The following SCAPER variants were observed in gnomAD, a reference collection of about 807,000 sequenced individuals.
The protein encoded by SCAPER is S phase cyclin A-associated protein in the endoplasmic reticulum.
A neutral mutation model predicts 182.2 loss-of-function variants in SCAPER; 98 were observed. That is an observed-to-expected ratio of 0.54 (90% CI 0.46 to 0.64). SCAPER has a LOEUF of 0.64. Ranked by LOEUF, SCAPER falls within the 30% of genes least tolerant of loss-of-function variation. SCAPER has a pLI of 0.00. For missense variants in SCAPER, 1,432 were observed against 1,690.0 expected (o/e 0.85, Z 2.68); for synonymous variants, 605 against 564.6 (o/e 1.07, Z -1.01).
chr15:76,466,964 G>A (rs1170324049), intron 25 of SCAPER, among the ~76,000 whole-genome samples: 1 of 152,084 alleles, frequency 6.6e-6, no homozygotes, highest in Non-Finnish European at 1.5e-5. Flanking sequence ...GGCCTGGTGG[G>A]AGGTGACTGG....
chr15:76,903,176 T>C (rs371258775), intron 1 of SCAPER, among the ~76,000 whole-genome samples: 4 of 152,196 alleles, frequency 2.6e-5, no homozygotes, highest in Admixed American at 1.3e-4. Context: ...ATATCAATCT[T>C]TTAGGAGTTC....
intron 26 of SCAPER, among the ~76,000 whole-genome samples, chr15:76,421,304 A>G (rs1028101870): frequency 6.6e-6 from 1 of 152,254 alleles, no homozygotes; most frequent in East Asian, 1.9e-4. Context: ...CTTTTTAATG[A>G]TCGCCATTCT....
intron 26 of SCAPER, among the ~76,000 whole-genome samples, chr15:76,423,667 G>A (rs1439054965): frequency 6.6e-6 from 1 of 152,064 alleles, no homozygotes; most frequent in Non-Finnish European, 1.5e-5. Context: ...GCTAGCTTTT[G>A]AATGTGTTTG....
At chr15:76,665,592 T>C (rs1212224716) in intron 21 of SCAPER, 61 bp downstream of exon 21, 3 of 1,496,774 alleles carry the variant, frequency 2.0e-6, no homozygotes, top group Non-Finnish European at 2.7e-6. Context: ...CTTCCTTGGA[T>C]TTACATTAAA....
intron 22 of SCAPER, among the ~76,000 whole-genome samples, chr15:76,619,270 G>T (rs568356413): frequency 6.6e-6 from 1 of 152,206 alleles, no homozygotes; most frequent in African/African-American, 2.4e-5. Context: ...TATCCTTTTT[G>T]TTGTGTGTTT....
chr15:76,619,742 T>C (rs1233127925), intron 22 of SCAPER, among the ~76,000 whole-genome samples: 1 of 152,130 alleles, frequency 6.6e-6, no homozygotes, highest in African/African-American at 2.4e-5. Flanking sequence ...TGTTAGCTTT[T>C]TAAGATTTTC....
intron 4 of SCAPER, among the ~76,000 whole-genome samples, chr15:76,846,883 T>C (rs763982647): frequency 3.3e-5 from 5 of 151,836 alleles, no homozygotes; most frequent in Non-Finnish European, 7.4e-5. Context: ...GAAATCAGAA[T>C]ATCAAAGAGA....
intron 20 of SCAPER, among the ~76,000 whole-genome samples, chr15:76,669,643 C>T (rs1382450015): frequency 6.6e-6 from 1 of 152,166 alleles, no homozygotes. Context: ...AGATGGTTAA[C>T]AAACACAGAT....
intron 23 of SCAPER, among the ~76,000 whole-genome samples, chr15:76,542,206 G>A (rs1241811525): frequency 6.6e-6 from 1 of 152,136 alleles, no homozygotes; most frequent in Non-Finnish European, 1.5e-5. Flanking sequence ...GACTTGCCAA[G>A]TGTTATCAGG....
intron 25 of SCAPER, among the ~76,000 whole-genome samples, chr15:76,449,070 G>A (rs1389810132): frequency 6.6e-6 from 1 of 152,180 alleles, no homozygotes; most frequent in African/African-American, 2.4e-5. Flanking sequence ...TGAGTCTTGG[G>A]ATGGGTAATC....
intron 2 of SCAPER, among the ~76,000 whole-genome samples, chr15:76,882,103 T>C (rs1365943121): frequency 1.3e-5 from 2 of 152,056 alleles, no homozygotes; most frequent in African/African-American, 2.4e-5. Flanking sequence ...TTTGTCAAGA[T>C]ACTAAGAAAG....
At chr15:76,610,707 TAGTAA>T (rs2050900634) in intron 22 of SCAPER, among the ~76,000 whole-genome samples, 1 of 152,108 alleles carries the variant, frequency 6.6e-6, no homozygotes, top group Non-Finnish European at 1.5e-5. Flanking sequence ...AAAAATTACT[TAGTAA>T]TTAACTAAAA....
chr15:76,870,489 C>A (rs1433152444), intron 2 of SCAPER, among the ~76,000 whole-genome samples: 2 of 151,336 alleles, frequency 1.3e-5, no homozygotes, highest in African/African-American at 4.9e-5. Flanking sequence ...TAAAAGTTAT[C>A]AGAAATAGAT....
intron 20 of SCAPER, among the ~76,000 whole-genome samples, chr15:76,675,529 T>C (rs2057317909): frequency 6.6e-6 from 1 of 152,186 alleles, no homozygotes; most frequent in Non-Finnish European, 1.5e-5. Context: ...AAAATTTAAC[T>C]GGCAATTACA....
intron 21 of SCAPER, among the ~76,000 whole-genome samples, chr15:76,637,011 T>C (rs1446122363): frequency 2.0e-5 from 3 of 152,108 alleles, no homozygotes; most frequent in African/African-American, 7.2e-5. Context: ...GAGATAAAAT[T>C]CATACACTAT....
rs115654742 is a variant in SCAPER, at chr15:76,786,416, G to C, written c.772+8864C>G. Among the ~76,000 whole-genome samples the C allele has an allele frequency of 8.1e-3, 1,226 of 151,378 alleles. 13 individuals are homozygous for C. Among genetic ancestry groups the C allele is most frequent in the African/African-American group, 0.028 (1,163 of 41,240 alleles). ...TCATCAGATCATATCAACTGATACA[G>C]GAAAAGCATTTCACAAAATCCAACA... On this transcript the variant is annotated intron_variant, in intron 8 of 31. Transcript: ENST00000563290.
chr15:76,456,590 A>C (rs1419198460), intron 25 of SCAPER, among the ~76,000 whole-genome samples: 1 of 152,160 alleles, frequency 6.6e-6, no homozygotes, highest in African/African-American at 2.4e-5. Context: ...GTGATCTACA[A>C]ACATCAATTA....
chr15:76,362,714 GCTCT>G (rs144245206), intron 29 of SCAPER, among the ~76,000 whole-genome samples: 15,934 of 152,024 alleles, frequency 0.1, 999 homozygotes, highest in African/African-American at 0.18. Context: ...CTCAGCCCTT[GCTCT>G]CTCTCTTTCT....
At position 76,466,419 on chromosome 15, in the gene SCAPER, C is replaced by CTCTTCTT. The variant is rs754649564; in HGVS notation, c.3078+4792_3078+4793insAAGAAGA. On this transcript the variant is annotated intron_variant, in intron 25 of 31. Transcript: ENST00000563290. ...TCAGTTCCAAAATTGGTTGGTTCTT[C>CTCTTCTT]TTTTTTTTTTTTTTTTTTTTTTTGT... Among the ~76,000 whole-genome samples, 78 of 37,414 alleles carry CTCTTCTT rather than the reference C, an allele frequency of 2.1e-3. 1 individual carries two copies. Among genetic ancestry groups the CTCTTCTT allele is most frequent in the African/African-American group, 6.1e-3 (78 of 12,830 alleles). The allele number at this position is 37,414 out of a possible 152,430, so 24.5% of individuals were successfully genotyped here.
Sources: gnomAD v4.1 joint callset for allele counts (sites outside exome capture counted in the v4.1 genomes callset) on GRCh38, gnomAD v4.1.1 for gene constraint, MANE v1.5 for transcripts, NCBI Gene and HGNC (gene_info 2026-07-23, HGNC 2026-07-21) for gene names.